Variants in CCDC172 observed in about 807,000 individuals in gnomAD.
CCDC172 encodes coiled-coil domain containing 172.
In CCDC172, 30 loss-of-function variants were observed where a neutral mutation model predicts 38.0. The observed-to-expected ratio is 0.79, with a 90% CI of 0.59 to 1.07. The LOEUF (loss-of-function observed/expected upper bound fraction) is 1.07. Ranked by LOEUF, CCDC172 falls within the 50% of genes least tolerant of loss-of-function variation. CCDC172 has a pLI of 0.00. For missense variants in CCDC172, 297 were observed against 290.1 expected (o/e 1.02, Z -0.17); for synonymous variants, 78 against 88.3 (o/e 0.88, Z 0.66).
At chr10:116,376,524 T>C (rs1204296386) in intron 7 of CCDC172, among the ~76,000 whole-genome samples, 1 of 152,248 alleles carries the variant, frequency 6.6e-6, no homozygotes, top group Admixed American at 6.5e-5. Context: ...TTACTTTTAC[T>C]ATTTTCCACA....
chr10:116,351,642 G>GA (rs11384211), intron 5 of CCDC172, among the ~76,000 whole-genome samples: 1,803 of 152,226 alleles, frequency 0.012, 40 homozygotes, highest in African/African-American at 0.041. Context: ...TAATTTTATG[G>GA]AATTTTCCCT....
At chr10:116,365,290 C>A (rs1217930672) in intron 7 of CCDC172, among the ~76,000 whole-genome samples, 2 of 152,080 alleles carry the variant, frequency 1.3e-5, no homozygotes. Flanking sequence ...GCTCTGCATG[C>A]CCTCCTTAAT....
At chr10:116,338,464 G>A (rs1589949157) in intron 3 of CCDC172, among the ~76,000 whole-genome samples, 1 of 152,166 alleles carries the variant, frequency 6.6e-6, no homozygotes, top group South Asian at 2.1e-4. Context: ...TAAAAACAAA[G>A]AAGCAGAGAA....
chr10:116,367,889 G>A (rs1845142991), intron 7 of CCDC172, among the ~76,000 whole-genome samples: 1 of 151,452 alleles, frequency 6.6e-6, no homozygotes. Context: ...TACAAATTAT[G>A]TTTTCTTCTA....
chr10:116,355,358 C>T (rs1049242034), intron 5 of CCDC172, among the ~76,000 whole-genome samples: 2 of 152,122 alleles, frequency 1.3e-5, no homozygotes, highest in East Asian at 1.9e-4. Flanking sequence ...AGGTTTGTAA[C>T]CTATGAGCAA....
intron 3 of CCDC172, among the ~76,000 whole-genome samples, chr10:116,330,421 G>A (rs1284570819): frequency 3.9e-5 from 6 of 152,158 alleles, no homozygotes; most frequent in Admixed American, 3.9e-4. Flanking sequence ...ATTCAGGGAA[G>A]CAGTAAGTAA....
intron 5 of CCDC172, among the ~76,000 whole-genome samples, chr10:116,345,892 A>C (rs1398374885): frequency 1.3e-5 from 2 of 152,164 alleles, no homozygotes; most frequent in Non-Finnish European, 2.9e-5. Context: ...ATTGTTTTGC[A>C]GTTTCTTAAC....
intron 6 of CCDC172, 129 bp from the exon 7 acceptor site, chr10:116,357,707 A>C: frequency 1.5e-6 from 1 of 683,506 alleles, no homozygotes; most frequent in African/African-American, 1.9e-5. Context: ...TAAAGTAGAA[A>C]ATAAAAATCA....
intron 7 of CCDC172, among the ~76,000 whole-genome samples, chr10:116,369,686 T>G (rs1482585439): frequency 6.6e-6 from 1 of 152,072 alleles, no homozygotes; most frequent in Admixed American, 6.5e-5. Context: ...AATAATCTTG[T>G]GTATATGTTG....
In CCDC172 at chr10:116,339,813, T is replaced by G. The variant is rs192669166; in HGVS notation, c.166-921T>G. ...TCTGGACTAGACTATTTCTAAGCTC[T>G]TTACTATTCAATATTGTCTGGGACA... is the stretch of plus-strand genomic sequence containing the variant. On this transcript the variant is annotated intron_variant, in intron 3 of 8. Transcript: ENST00000333254. Among the ~76,000 whole-genome samples the G allele has an allele frequency of 3.6e-3, 554 of 152,072 alleles. 4 individuals carry two copies. Among genetic ancestry groups the G allele is most frequent in the Middle Eastern group, 0.024 (7 of 294 alleles).
intron 7 of CCDC172, among the ~76,000 whole-genome samples, chr10:116,366,646 T>C (rs946784206): frequency 6.6e-6 from 1 of 152,232 alleles, no homozygotes; most frequent in Non-Finnish European, 1.5e-5. Flanking sequence ...GCAGTGCTGC[T>C]GGTGCACATA....
intron 7 of CCDC172, among the ~76,000 whole-genome samples, chr10:116,377,907 G>C (rs573066739): frequency 6.6e-6 from 1 of 152,102 alleles, no homozygotes; most frequent in Admixed American, 6.6e-5. Context: ...TCAGCTGGGC[G>C]TGGTGGCTAA....
intron 3 of CCDC172, among the ~76,000 whole-genome samples, chr10:116,327,531 A>G (rs905038559): frequency 6.6e-6 from 1 of 152,124 alleles, no homozygotes; most frequent in African/African-American, 2.4e-5. Flanking sequence ...ATACACATAC[A>G]TTAAAAAATG....
chr10:116,379,462 G>A lies in CCDC172; in HGVS notation c.*104G>A. On this transcript the variant is annotated 3_prime_UTR_variant, in exon 9 of 9. Transcript: ENST00000333254. ...GTACCCGTTACAACGGATCCTTGTGGGAAATATGGGGTTTAAAATATTCAA... is the reference window on the plus strand; with the variant it reads ...GTACCCGTTACAACGGATCCTTGTGAGAAATATGGGGTTTAAAATATTCAA... The A allele has an allele frequency of 3.4e-6, 2 of 594,810 alleles. No individual in the cohort carries two copies. The highest frequency in any genetic ancestry group is 5.6e-6 in the Non-Finnish European group (2 of 355,098). 36.8% of individuals were successfully genotyped at this position (594,810 alleles called of 1,614,324 possible). A position where few individuals can be genotyped will look rare whatever the true frequency, so the allele number is the denominator to read the frequency against.
chr10:116,358,261 G>T (rs1179502403), intron 7 of CCDC172, among the ~76,000 whole-genome samples: 1 of 152,012 alleles, frequency 6.6e-6, no homozygotes, highest in Non-Finnish European at 1.5e-5. Flanking sequence ...GGAAATGATT[G>T]AAATTACTTT....
intron 3 of CCDC172, among the ~76,000 whole-genome samples, chr10:116,338,820 A>G (rs1208451794): frequency 6.6e-6 from 1 of 152,084 alleles, no homozygotes; most frequent in African/African-American, 2.4e-5. Context: ...CGTTAGTTTG[A>G]TAAGTAATAT....
At chr10:116,341,692 A>T (rs921744116) in intron 4 of CCDC172, among the ~76,000 whole-genome samples, 1 of 151,836 alleles carries the variant, frequency 6.6e-6, no homozygotes, top group African/African-American at 2.4e-5. Context: ...TGGCCATTTA[A>T]TTACTTTACT....
intron 3 of CCDC172, among the ~76,000 whole-genome samples, chr10:116,336,406 A>C (rs1054723862): frequency 6.6e-6 from 1 of 151,126 alleles, no homozygotes; most frequent in African/African-American, 2.4e-5. Flanking sequence ...AAATCATGTA[A>C]AGCCTTATAA....
At chr10:116,350,260 G>T (rs1248317482) in intron 5 of CCDC172, among the ~76,000 whole-genome samples, 1 of 152,130 alleles carries the variant, frequency 6.6e-6, no homozygotes, top group Non-Finnish European at 1.5e-5. Flanking sequence ...AGTTAAGGGA[G>T]GTAAAAGCAG....
Sources: gnomAD v4.1 joint callset for allele counts (sites outside exome capture counted in the v4.1 genomes callset) on GRCh38, gnomAD v4.1.1 for gene constraint, MANE v1.5 for transcripts, NCBI Gene and HGNC (gene_info 2026-07-23, HGNC 2026-07-21) for gene names.